EPHA5: variants seen among roughly 807,000 people sequenced by gnomAD.
The protein encoded by EPHA5 is EPH receptor A5, also known as ephrin type-A receptor 5.
In EPHA5, 60 loss-of-function variants were observed where a neutral mutation model predicts 105.0. That is an observed-to-expected ratio of 0.57 (90% confidence interval 0.46 to 0.71). The LOEUF is 0.71. EPHA5 is among the 30% of genes least tolerant of loss of function. The pLI is 0.00. For missense variants in EPHA5, 1,218 were observed against 1,274.7 expected (o/e 0.96, Z 0.68); for synonymous variants, 513 against 449.1 (o/e 1.14, Z -1.80).
At chr4:65,540,603 C>A (rs566200349) in intron 3 of EPHA5, among the ~76,000 whole-genome samples, 1 of 151,388 alleles carries the variant, frequency 6.6e-6, no homozygotes, top group Non-Finnish European at 1.5e-5. Flanking sequence ...TTCTCACAAA[C>A]ATGAATTTAA....
At chr4:65,411,516 A>T (rs1459376137) in intron 7 of EPHA5, among the ~76,000 whole-genome samples, 3 of 152,180 alleles carry the variant, frequency 2.0e-5, no homozygotes, top group Non-Finnish European at 4.4e-5. Context: ...ATAATTTCCT[A>T]TTCTTACATA....
rs1270810388 is a variant in EPHA5, at chr4:65,333,531, GTGTGTGTC to G, written c.2790-1411_2790-1404del. ...CAATTGTGTGCGTGTGCGTGTGAGAGTGTGTGTCTGTGTGTGTGTGTGTGTGTGTGTGT... is the reference window on the plus strand; with the variant it reads ...CAATTGTGTGCGTGTGCGTGTGAGAGTGTGTGTGTGTGTGTGTGTGTGTGT... On this transcript the variant is annotated intron_variant, in intron 15 of 16. Transcript: ENST00000613740. Among the ~76,000 whole-genome samples, 176 of 32,324 alleles carry G rather than the reference GTGTGTGTC, an allele frequency of 5.4e-3. 1 individual carries two copies. Among genetic ancestry groups the G allele is most frequent in the African/African-American group, 0.016 (116 of 7,342 alleles). 21.2% of individuals were successfully genotyped at this position (32,324 alleles called of 152,430 possible).
intron 3 of EPHA5, among the ~76,000 whole-genome samples, chr4:65,601,370 A>G (rs989345872): frequency 6.6e-6 from 1 of 152,212 alleles, no homozygotes; most frequent in African/African-American, 2.4e-5. Flanking sequence ...CAAAAATAAA[A>G]TTTCTAAAAG....
Position 65,320,618 on chromosome 4 carries a change from C to T in EPHA5, c.*3496G>A, listed in dbSNP as rs113178198. Reference sequence around the variant, plus strand: ...TATCTGTGCTTGTGCTTCTGAGAACCCACTTTACATGGCATAAATAATGGT... The same window carrying T: ...TATCTGTGCTTGTGCTTCTGAGAACTCACTTTACATGGCATAAATAATGGT... On this transcript the variant is annotated 3_prime_UTR_variant, in exon 17 of 17. Coordinates refer to ENST00000613740, the MANE Select transcript of EPHA5 (RefSeq NM_001281766.3). 7.1e-4 allele frequency: 163 copies of T among 229,664 alleles called. 3 individuals are homozygous for T. Among genetic ancestry groups the T allele is most frequent in the African/African-American group, 3.1e-3 (141 of 45,172 alleles). The allele number at this position is 229,664 out of a possible 1,614,324, so 14.2% of individuals were successfully genotyped here.
intron 1 of EPHA5, among the ~76,000 whole-genome samples, chr4:65,667,057 A>G (rs1012531191): frequency 2.0e-5 from 3 of 152,174 alleles, no homozygotes; most frequent in African/African-American, 7.2e-5. Context: ...ATATGAGAAA[A>G]AGTGATTAAT....
At chr4:65,367,491 G>T in intron 8 of EPHA5, 67 bp from the exon 9 acceptor site, 1 of 1,440,026 alleles carries the variant, frequency 6.9e-7, no homozygotes, top group Non-Finnish European at 9.7e-7. Flanking sequence ...AAGCCCAGAA[G>T]CATGAAGCAC....
chr4:65,503,216 A>G (rs148247999), intron 3 of EPHA5, among the ~76,000 whole-genome samples: 75 of 151,954 alleles, frequency 4.9e-4, no homozygotes, highest in African/African-American at 1.7e-3. Context: ...AAATCTCACC[A>G]TCACGTAATA....
At chr4:65,364,335 A>C (rs926558316) in intron 11 of EPHA5, among the ~76,000 whole-genome samples, 3 of 151,666 alleles carry the variant, frequency 2.0e-5, no homozygotes, top group Non-Finnish European at 4.4e-5. Context: ...TGAAGGCCTC[A>C]GCTATGTGCC....
At chr4:65,368,522 A>T (rs1246811400) in intron 8 of EPHA5, among the ~76,000 whole-genome samples, 1 of 151,978 alleles carries the variant, frequency 6.6e-6, no homozygotes, top group African/African-American at 2.4e-5. Context: ...ACTACGACCC[A>T]TCTCTTTCTT....
chr4:65,529,736 A>C (rs1735583102), intron 3 of EPHA5, among the ~76,000 whole-genome samples: 1 of 152,120 alleles, frequency 6.6e-6, no homozygotes, highest in Non-Finnish European at 1.5e-5. Context: ...GAACGTATAT[A>C]ACTCTTGCTC....
intron 3 of EPHA5, among the ~76,000 whole-genome samples, chr4:65,509,978 A>C (rs1398960928): frequency 6.6e-6 from 1 of 151,348 alleles, no homozygotes; most frequent in African/African-American, 2.4e-5. Context: ...TGTTCTAACC[A>C]TTGTGGACGA....
chr4:65,555,302 A>G (rs12647515), intron 3 of EPHA5, among the ~76,000 whole-genome samples: 77,054 of 151,596 alleles, frequency 0.51, 19,915 homozygotes, highest in Non-Finnish European at 0.53. Flanking sequence ...CTGTATTTGG[A>G]CACCCTACCA....
At chr4:65,661,005 G>A (rs1245938796) in intron 1 of EPHA5, among the ~76,000 whole-genome samples, 4 of 152,010 alleles carry the variant, frequency 2.6e-5, no homozygotes, top group Non-Finnish European at 2.9e-5. Context: ...GGCTTCCTCT[G>A]CTCCTCTACA....
chr4:65,572,519 T>C (rs543046653), intron 3 of EPHA5, among the ~76,000 whole-genome samples: 1 of 152,280 alleles, frequency 6.6e-6, no homozygotes, highest in African/African-American at 2.4e-5. Flanking sequence ...TTTAGATACT[T>C]AGTGCAAAAG....
chr4:65,532,433 A>C (rs2149304848), intron 3 of EPHA5, among the ~76,000 whole-genome samples: 1 of 152,050 alleles, frequency 6.6e-6, no homozygotes, highest in Admixed American at 6.5e-5. Flanking sequence ...AGGTGTTATT[A>C]ACTGTGATTT....
chr4:65,414,974 C>G (rs979783259), intron 6 of EPHA5, among the ~76,000 whole-genome samples: 73 of 152,150 alleles, frequency 4.8e-4, no homozygotes, highest in Middle Eastern at 3.4e-3. Flanking sequence ...TTCACTAAGT[C>G]TAAATAGAAA....
At chr4:65,410,198 G>A (rs532136288) in intron 7 of EPHA5, among the ~76,000 whole-genome samples, 3 of 152,086 alleles carry the variant, frequency 2.0e-5, no homozygotes, top group Non-Finnish European at 4.4e-5. Flanking sequence ...AACAAATTGT[G>A]GCACATACAT....
intron 5 of EPHA5, among the ~76,000 whole-genome samples, chr4:65,468,622 A>G (rs1336049032): frequency 7.5e-6 from 1 of 132,932 alleles, no homozygotes; most frequent in Non-Finnish European, 1.6e-5. Context: ...TTATATATAT[A>G]TGTAAAATAT....
rs115659100 is a variant in EPHA5 at position 65,510,733 on chromosome 4, C to T, written c.911-15190G>A. Reference sequence around the variant, plus strand: ...TGCCTTGGTGTCTGTCCACTTCAATCCAAAATTGATATCTCACAATCACTG... The same window carrying T: ...TGCCTTGGTGTCTGTCCACTTCAATTCAAAATTGATATCTCACAATCACTG... On this transcript the variant is annotated intron_variant, in intron 3 of 16. Transcript: ENST00000613740. Among the ~76,000 whole-genome samples the T allele has an allele frequency of 2.5e-3, 383 of 152,218 alleles. 1 individual carries two copies. The highest frequency in any genetic ancestry group is 7.2e-3 in the African/African-American group (298 of 41,552).
Sources: gnomAD v4.1 joint callset for allele counts (sites outside exome capture counted in the v4.1 genomes callset) on GRCh38, gnomAD v4.1.1 for gene constraint, MANE v1.5 for transcripts, NCBI Gene and HGNC (gene_info 2026-07-23, HGNC 2026-07-21) for gene names.